The following TAS2R1 variants were observed in gnomAD, a reference collection of about 807,000 sequenced individuals.
The protein encoded by TAS2R1 is taste receptor type 2 member 1.
For synonymous variants in TAS2R1, 141 were observed against 134.2 expected (o/e 1.05, Z -0.35); for missense variants, 370 against 353.4 (o/e 1.05, Z -0.38).
chr5:9,823,525 G>A, the TAS2R1 span, among the ~76,000 whole-genome samples: 1 of 146,536 alleles, frequency 6.8e-6, no homozygotes, highest in East Asian at 2.1e-4. Flanking sequence ...GGGAAGGGAA[G>A]GGAAGGGAAA....
At chr5:9,744,831 T>C in the TAS2R1 span, among the ~76,000 whole-genome samples, 1 of 152,254 alleles carries the variant, frequency 6.6e-6, no homozygotes, top group Non-Finnish European at 1.5e-5. Context: ...GTTACTGTGC[T>C]TTCTGAACAT....
intron 1 of TAS2R1, among the ~76,000 whole-genome samples, chr5:9,700,532 G>C (rs921749204): frequency 6.6e-6 from 1 of 152,102 alleles, no homozygotes; most frequent in African/African-American, 2.4e-5. Flanking sequence ...GAGAGATTAG[G>C]AAGGCCTTTC....
chr5:9,633,948 T>C (rs967271060), upstream of TAS2R1, among the ~76,000 whole-genome samples: 1 of 152,158 alleles, frequency 6.6e-6, no homozygotes, highest in Non-Finnish European at 1.5e-5. Flanking sequence ...TTAGTTTAAT[T>C]AGGTCCCATC....
chr5:9,865,261 T>A, the TAS2R1 span, among the ~76,000 whole-genome samples: 10 of 152,284 alleles, frequency 6.6e-5, no homozygotes, highest in Non-Finnish European at 7.4e-5. Context: ...TCTAGTGATA[T>A]CCAGGATGTA....
the TAS2R1 span, among the ~76,000 whole-genome samples, chr5:9,819,424 A>G: frequency 6.6e-6 from 1 of 152,326 alleles, no homozygotes; most frequent in Admixed American, 6.5e-5. Flanking sequence ...ATAATCTTAC[A>G]ATACAGTAGA....
intron 1 of TAS2R1, among the ~76,000 whole-genome samples, chr5:9,708,143 G>T (rs1346962697): frequency 1.3e-5 from 2 of 152,178 alleles, no homozygotes; most frequent in African/African-American, 4.8e-5. Flanking sequence ...AGGAAAAAAA[G>T]AAGGGCCCGT....
chr5:9,783,868 T>G, the TAS2R1 span, among the ~76,000 whole-genome samples: 25 of 152,312 alleles, frequency 1.6e-4, no homozygotes, highest in East Asian at 4.6e-3. Flanking sequence ...AGGGAGTTGC[T>G]CAGCACTGGA....
At chr5:9,721,442 G>A in the TAS2R1 span, among the ~76,000 whole-genome samples, 1 of 152,204 alleles carries the variant, frequency 6.6e-6, no homozygotes, top group African/African-American at 2.4e-5. Flanking sequence ...CTAAGTCACA[G>A]CATTATATAA....
chr5:9,749,999 C>G, the TAS2R1 span, among the ~76,000 whole-genome samples: 1 of 152,212 alleles, frequency 6.6e-6, no homozygotes. Context: ...ATTCTTCACC[C>G]TGATTTTGGT....
chr5:9,833,747 T>A, the TAS2R1 span, among the ~76,000 whole-genome samples: 65 of 152,332 alleles, frequency 4.3e-4, no homozygotes, highest in South Asian at 5.8e-3. Context: ...AATACAGTTG[T>A]ATCACATGAA....
the TAS2R1 span, among the ~76,000 whole-genome samples, chr5:9,839,768 C>CT: frequency 3.2e-4 from 47 of 146,088 alleles, no homozygotes; most frequent in Non-Finnish European, 4.2e-4. Flanking sequence ...AAACACACGT[C>CT]TTTTTTTTTT....
chr5:9,677,037 A>C (rs1418397501), intron 1 of TAS2R1, among the ~76,000 whole-genome samples: 1 of 152,244 alleles, frequency 6.6e-6, no homozygotes, highest in African/African-American at 2.4e-5. Flanking sequence ...TGGATAAAGA[A>C]AATGTAGTAG....
chr5:9,628,909 A>G lies in TAS2R1; in HGVS notation c.*224T>C. The G allele has an allele frequency of 2.4e-6, 1 of 418,128 alleles. No homozygotes were observed. Among genetic ancestry groups the G allele is most frequent in the African/African-American group, 2.0e-5 (1 of 50,168 alleles). 25.9% of individuals were successfully genotyped at this position (418,128 alleles called of 1,614,324 possible). Reference sequence around the variant, plus strand: ...ATGATAGTACAATATCACTACCAGGATATTGAAATTGATGTAATCCATCAA... The same window carrying G: ...ATGATAGTACAATATCACTACCAGGGTATTGAAATTGATGTAATCCATCAA... On this transcript the variant is annotated 3_prime_UTR_variant, in exon 1 of 1. Coordinates refer to ENST00000382492, the MANE Select transcript of TAS2R1 (RefSeq NM_019599.3).
the TAS2R1 span, among the ~76,000 whole-genome samples, chr5:9,785,736 A>G: frequency 6.6e-6 from 1 of 152,180 alleles, no homozygotes; most frequent in Non-Finnish European, 1.5e-5. Flanking sequence ...GTCTCCATCT[A>G]AAGACAGGGC....
the TAS2R1 span, among the ~76,000 whole-genome samples, chr5:9,820,952 C>T: frequency 4.6e-5 from 7 of 152,098 alleles, no homozygotes; most frequent in African/African-American, 1.7e-4. Flanking sequence ...CACATGGAAA[C>T]ATGAATCCCG....
At chr5:9,797,942 G>A in the TAS2R1 span, among the ~76,000 whole-genome samples, 80 of 152,226 alleles carry the variant, frequency 5.3e-4, no homozygotes, top group South Asian at 0.013. Flanking sequence ...ATGTGTATAC[G>A]AATGTTCACA....
At chr5:9,865,904 G>A in the TAS2R1 span, among the ~76,000 whole-genome samples, 3 of 152,292 alleles carry the variant, frequency 2.0e-5, no homozygotes, top group Admixed American at 2.0e-4. Context: ...TCCTGCTGAG[G>A]CTCATAGGCC....
chr5:9,778,150 G>T, the TAS2R1 span, among the ~76,000 whole-genome samples: 1 of 151,534 alleles, frequency 6.6e-6, no homozygotes, highest in South Asian at 2.1e-4. Flanking sequence ...AAAGTGCTGG[G>T]ATTACAGGCG....
chr5:9,751,412 C>T, the TAS2R1 span, among the ~76,000 whole-genome samples: 1 of 151,974 alleles, frequency 6.6e-6, no homozygotes, highest in Non-Finnish European at 1.5e-5. Context: ...AATATATTCT[C>T]ATGAAACTAA....
Sources: gnomAD v4.1 joint callset for allele counts (sites outside exome capture counted in the v4.1 genomes callset) on GRCh38, gnomAD v4.1.1 for gene constraint, MANE v1.5 for transcripts, NCBI Gene and HGNC (gene_info 2026-07-23, HGNC 2026-07-21) for gene names.